Variants in CCDC68 observed in about 807,000 individuals in gnomAD.
CCDC68 encodes coiled-coil domain-containing protein 68.
In CCDC68, 45 loss-of-function variants were observed where a neutral mutation model predicts 47.1. The observed-to-expected ratio is 0.96, with a 90% CI of 0.75 to 1.23. The LOEUF (loss-of-function observed/expected upper bound fraction) is 1.23. Ranked by LOEUF, CCDC68 falls within the 50% of genes most tolerant of loss-of-function variation. The pLI, the probability that CCDC68 is intolerant of heterozygous loss-of-function variation, is 0.00. For synonymous variants in CCDC68, 131 were observed against 129.5 expected, an observed-to-expected ratio of 1.01 and a Z score of -0.08; for missense variants, 353 against 373.6, an observed-to-expected ratio of 0.94 and a Z score of 0.45.
rs1913794152 is a variant in CCDC68 at position 54,903,396 on chromosome 18, A to G, written c.*962T>C. The G allele has an allele frequency of 6.6e-6, 1 of 152,234 alleles. No homozygotes were observed. Among genetic ancestry groups the G allele is most frequent in the Non-Finnish European group, 1.5e-5 (1 of 68,042 alleles). 9.4% of individuals were successfully genotyped at this position (152,234 alleles called of 1,614,324 possible). A position where few individuals can be genotyped will look rare whatever the true frequency, so the allele number is the denominator to read the frequency against. ...CACAAACTCCACCTACAAAGAAGGC[A>G]TGTATCAGAATTTAAGCAAACTTTC... On this transcript the variant is annotated 3_prime_UTR_variant, in exon 12 of 12. Transcript: ENST00000591504.
In CCDC68 at chr18:54,902,137, ATAGT is replaced by A. The variant is rs10643318; in HGVS notation, c.*2217_*2220del. On this transcript the variant is annotated 3_prime_UTR_variant, in exon 12 of 12. Transcript: ENST00000591504. ...CAAGGGCAGTTTCGAGGCAAGATAG[ATAGT>A]TAGGTCAGATCTCTTTCACTGTCAT... 6.6e-6 allele frequency: 1 copy of A among 151,524 alleles called. No individual in the cohort carries two copies. Among genetic ancestry groups the A allele is most frequent in the African/African-American group, 2.4e-5 (1 of 41,222 alleles). 9.4% of individuals were successfully genotyped at this position (151,524 alleles called of 1,614,324 possible). A position where few individuals can be genotyped will look rare whatever the true frequency, so the allele number is the denominator to read the frequency against.
intron 4 of CCDC68, among the ~76,000 whole-genome samples, chr18:54,940,472 T>C (rs184197713): frequency 6.6e-6 from 1 of 152,254 alleles, no homozygotes; most frequent in South Asian, 2.1e-4. Flanking sequence ...TCTGTGGCCA[T>C]GCCTATAGTG....
At chr18:54,925,911 A>G (rs907784899) in intron 8 of CCDC68, among the ~76,000 whole-genome samples, 1 of 152,194 alleles carries the variant, frequency 6.6e-6, no homozygotes. Flanking sequence ...CCCTGTTTGC[A>G]TTTCAACAAA....
chr18:54,949,922 TCAGTGGCAGTATC>T (rs2044585934), intron 1 of CCDC68, among the ~76,000 whole-genome samples: 1 of 152,176 alleles, frequency 6.6e-6, no homozygotes, highest in Non-Finnish European at 1.5e-5. Context: ...GGCAGGAAAT[TCAGTGGCAGTATC>T]CAGTGGCCAG....
At chr18:54,944,550 A>G (rs1348229075) in intron 2 of CCDC68, among the ~76,000 whole-genome samples, 2 of 152,178 alleles carry the variant, frequency 1.3e-5, no homozygotes, top group Non-Finnish European at 2.9e-5. Context: ...AAAAACCCGC[A>G]ACAACCACAA....
chr18:54,928,371 A>G (rs114307841), intron 8 of CCDC68, among the ~76,000 whole-genome samples: 1,556 of 152,262 alleles, frequency 0.01, 36 homozygotes, highest in African/African-American at 0.035. Flanking sequence ...GAGTATCAGG[A>G]AACTGTCTTA....
intron 1 of CCDC68, among the ~76,000 whole-genome samples, chr18:54,956,836 T>A (rs570358831): frequency 6.6e-6 from 1 of 152,278 alleles, no homozygotes; most frequent in Admixed American, 6.5e-5. Flanking sequence ...TGCTAATGGT[T>A]GCACCATTCA....
At position 54,916,276 on chromosome 18, in the gene CCDC68, T is replaced by G. The variant is rs1944735938; in HGVS notation, c.873+1637A>C. Among the ~76,000 whole-genome samples, 4 of 152,268 alleles carry G rather than the reference T, an allele frequency of 2.6e-5. No individual in the cohort carries two copies. The South Asian group carries it at 8.3e-4, about 32-fold the overall frequency. ...AGTCTAAAGACAGTGCGAGGTTCAA[T>G]GAGGCCTATCCTCAAAACCAAAAGA... On this transcript the variant is annotated intron_variant, in intron 10 of 11. Transcript: ENST00000591504.
In CCDC68 at chr18:54,938,077, C is replaced by T; in HGVS notation, c.225G>A (p.Gln75=). 6.2e-7 allele frequency: 1 copy of T among 1,613,526 alleles called. No individual in the cohort carries two copies. The highest frequency in any genetic ancestry group is 1.3e-5 in the African/African-American group (1 of 75,020). ...AAGGATCCATTTCAGAATCAGAGCC[C>T]TGTTGAAGGTTTCCACAGTGCTGAA... ...LDAKHCGNLQ[Q]GSDSEMDPSC... is the part of the protein sequence containing the mutation. The change falls in exon 5 of 12, where the codon CAG becomes CAA. Residue 75 remains glutamine (Q), a synonymous_variant. Transcript: ENST00000591504.
chr18:54,917,809 G>A (rs930193051), intron 10 of CCDC68, 104 bp downstream of exon 10: 2 of 712,268 alleles, frequency 2.8e-6, no homozygotes, highest in Non-Finnish European at 2.5e-6. Context: ...TCATACACAG[G>A]CTCACTGATA....
intron 7 of CCDC68, among the ~76,000 whole-genome samples, chr18:54,929,667 T>C (rs1210025579): frequency 6.6e-6 from 1 of 152,136 alleles, no homozygotes; most frequent in African/African-American, 2.4e-5. Flanking sequence ...ATTGGCAACA[T>C]GGATGGAATT....
rs1294611501 is a variant in CCDC68 at position 54,919,357 on chromosome 18, C to G, written c.703G>C (p.Glu235Gln). Reference protein sequence around the residue: ...YGKSCQDLQREISILQEQISH... With the variant: ...YGKSCQDLQRQISILQEQISH... The stretch of plus-strand genomic sequence containing the variant: ...ATCTGCTCCTGGAGAATGGAAATCT[C>G]CCTCTGAAGATCCTGGCAACTGGGA... Residue 235 changes from glutamate to glutamine, a missense_variant, in exon 9 of 12, where the codon GAG becomes CAG. Glu to Gln is a conservative substitution (Grantham distance 29). Coordinates refer to ENST00000591504, the MANE Select transcript of CCDC68 (RefSeq NM_025214.3). The G allele has an allele frequency of 6.2e-7, 1 of 1,613,818 alleles. No homozygotes were observed.
rs1913792718 is a variant in CCDC68, at chr18:54,903,380, C to T, written c.*978G>A. On this transcript the variant is annotated 3_prime_UTR_variant, in exon 12 of 12. Coordinates refer to ENST00000591504, the MANE Select transcript of CCDC68 (RefSeq NM_025214.3). Reference sequence around the variant, plus strand: ...TTCTATTCACTGCAATCACAAACTCCACCTACAAAGAAGGCATGTATCAGA... The same window carrying T: ...TTCTATTCACTGCAATCACAAACTCTACCTACAAAGAAGGCATGTATCAGA... 1 of 152,172 alleles carries T rather than the reference C, an allele frequency of 6.6e-6. No homozygotes were observed. Among genetic ancestry groups the T allele is most frequent in the South Asian group, 2.1e-4 (1 of 4,830 alleles). 9.4% of individuals were successfully genotyped at this position (152,172 alleles called of 1,614,324 possible).
intron 8 of CCDC68, among the ~76,000 whole-genome samples, chr18:54,924,694 A>G (rs1182017259): frequency 6.6e-6 from 1 of 152,212 alleles, no homozygotes; most frequent in Non-Finnish European, 1.5e-5. Flanking sequence ...GGATGATCAT[A>G]GAAGAAGCAC....
At chr18:54,912,808 G>A (rs1411238685) in intron 10 of CCDC68, among the ~76,000 whole-genome samples, 1 of 152,174 alleles carries the variant, frequency 6.6e-6, no homozygotes, top group Non-Finnish European at 1.5e-5. Flanking sequence ...GAGACGCAAA[G>A]ACACGTCTTA....
chr18:54,913,933 C>A (rs1408076359), intron 10 of CCDC68, among the ~76,000 whole-genome samples: 1 of 152,148 alleles, frequency 6.6e-6, no homozygotes, highest in Non-Finnish European at 1.5e-5. Flanking sequence ...GGATGCCCTC[C>A]CTAATCCCTG....
rs1442628181 is a variant in CCDC68, at chr18:54,902,180, TTATCA to T, written c.*2173_*2177del. On this transcript the variant is annotated 3_prime_UTR_variant, in exon 12 of 12. Coordinates refer to ENST00000591504, the MANE Select transcript of CCDC68 (RefSeq NM_025214.3). The stretch of plus-strand genomic sequence containing the variant: ...TTTCACTGTCATAATTTCCTCACTG[TTATCA>T]TTTTTGCATAGGTGGTTTCACCACT... The T allele has an allele frequency of 6.6e-6, 1 of 152,234 alleles. No individual in the cohort carries two copies. Among genetic ancestry groups the T allele is most frequent in the Non-Finnish European group, 1.5e-5 (1 of 68,034 alleles). 9.4% of individuals were successfully genotyped at this position (152,234 alleles called of 1,614,324 possible).
chr18:54,922,141 T>C (rs1371300169), intron 8 of CCDC68, among the ~76,000 whole-genome samples: 1 of 152,248 alleles, frequency 6.6e-6, no homozygotes, highest in Non-Finnish European at 1.5e-5. Flanking sequence ...AATGGCTGCA[T>C]CAGCACACCA....
intron 10 of CCDC68, among the ~76,000 whole-genome samples, chr18:54,910,362 T>C (rs114127475): frequency 0.018 from 2,690 of 151,910 alleles, 85 homozygotes; most frequent in African/African-American, 0.06. Context: ...GGCCCTGGAG[T>C]GGGTAGCTCT....
Sources: gnomAD v4.1 joint callset for allele counts (sites outside exome capture counted in the v4.1 genomes callset) on GRCh38, gnomAD v4.1.1 for gene constraint, MANE v1.5 for transcripts, NCBI Gene and HGNC (gene_info 2026-07-23, HGNC 2026-07-21) for gene names.